Variants in FBRSL1 observed in about 807,000 individuals in gnomAD.
FBRSL1 encodes the protein fibrosin-1-like protein.
In FBRSL1, 51 loss-of-function variants were observed where a neutral mutation model predicts 89.6. That is an observed-to-expected ratio of 0.57 (90% CI 0.45 to 0.72). The LOEUF is 0.72. Ranked by LOEUF, FBRSL1 falls within the 30% of genes least tolerant of loss-of-function variation. The probability of loss-of-function intolerance (pLI) is 0.00; values close to 1 mark genes in which losing one functional copy is unlikely to be tolerated. For missense variants in FBRSL1, 1,618 were observed against 1,451.8 expected (o/e 1.11, Z -1.86); for synonymous variants, 779 against 681.1 (o/e 1.14, Z -2.24).
At chr12:132,522,830 C>A (rs2035473448) in intron 2 of FBRSL1, among the ~76,000 whole-genome samples, 1 of 152,192 alleles carries the variant, frequency 6.6e-6, no homozygotes, top group African/African-American at 2.4e-5. Context: ...GTGTCCGGGG[C>A]CCTCCCCGGC....
intron 2 of FBRSL1, among the ~76,000 whole-genome samples, chr12:132,520,796 G>T (rs2035286881): frequency 6.6e-6 from 1 of 152,230 alleles, no homozygotes; most frequent in Admixed American, 6.5e-5. Flanking sequence ...CACTGTGAGG[G>T]CTCTGGGACT....
At chr12:132,579,044 T>C (rs1593596815) in intron 15 of FBRSL1, among the ~76,000 whole-genome samples, 1 of 128,900 alleles carries the variant, frequency 7.8e-6, no homozygotes, top group Admixed American at 7.9e-5. Flanking sequence ...ACCCTGCTCC[T>C]CCCCCGCCTC....
chr12:132,572,047 G>C (rs1258500206), intron 9 of FBRSL1: 1 of 566,062 alleles, frequency 1.8e-6, no homozygotes, highest in East Asian at 2.9e-5. Context: ...TGCCTGGGGG[G>C]GCCGAGTTCC....
At chr12:132,508,422 C>T (rs2033944594) in intron 2 of FBRSL1, 72 bp downstream of exon 2, 3 of 1,360,984 alleles carry the variant, frequency 2.2e-6, no homozygotes, top group South Asian at 1.5e-5. Context: ...CATGCCAGCA[C>T]CTGGACACCA....
chr12:132,521,777 C>G (rs911176715), intron 2 of FBRSL1, among the ~76,000 whole-genome samples: 103 of 152,338 alleles, frequency 6.8e-4, no homozygotes, highest in African/African-American at 2.4e-3. Context: ...GTAGTGCGTG[C>G]ATTTGCCCTG....
At chr12:132,581,714 C>T (rs756720270) in intron 16 of FBRSL1, 27 bp from the exon 17 acceptor site, 18 of 1,549,020 alleles carry the variant, frequency 1.2e-5, no homozygotes, top group Middle Eastern at 1.7e-4. Context: ...CCTCACAGAC[C>T]TCTGGGTCCC....
At chr12:132,521,649 G>T (rs989328767) in intron 2 of FBRSL1, among the ~76,000 whole-genome samples, 4 of 152,208 alleles carry the variant, frequency 2.6e-5, no homozygotes, top group Non-Finnish European at 5.9e-5. Flanking sequence ...ATGGGATGGG[G>T]TGTGAGAGTC....
chr12:132,537,248 G>A (rs531289942), intron 4 of FBRSL1, among the ~76,000 whole-genome samples: 1 of 152,326 alleles, frequency 6.6e-6, no homozygotes, highest in Admixed American at 6.5e-5. Context: ...GGAAGAGGTG[G>A]CACTCGGGTG....
intron 1 of FBRSL1, among the ~76,000 whole-genome samples, chr12:132,505,409 C>T (rs1278221633): frequency 6.6e-6 from 1 of 152,176 alleles, no homozygotes; most frequent in Non-Finnish European, 1.5e-5. Context: ...CCAGGGCACG[C>T]ACTGTCCCTC....
At chr12:132,515,965 A>G (rs2034806669) in intron 2 of FBRSL1, among the ~76,000 whole-genome samples, 1 of 152,040 alleles carries the variant, frequency 6.6e-6, no homozygotes, top group East Asian at 1.9e-4. Context: ...GAACAATGCC[A>G]AAAGGTGTTT....
chr12:132,579,193 G>T (rs1310305431), intron 15 of FBRSL1, among the ~76,000 whole-genome samples: 1 of 152,210 alleles, frequency 6.6e-6, no homozygotes, highest in East Asian at 1.9e-4. Flanking sequence ...CTGGCAGGGG[G>T]CAGGATGATT....
chr12:132,528,034 T>G, intron 4 of FBRSL1, 46 bp downstream of exon 4: 1 of 1,518,794 alleles, frequency 6.6e-7, no homozygotes, highest in Non-Finnish European at 8.9e-7. Context: ...CCCTGGGGCC[T>G]TAGGACCAGG....
intron 4 of FBRSL1, among the ~76,000 whole-genome samples, chr12:132,545,294 G>A (rs533190082): frequency 1.3e-5 from 2 of 152,334 alleles, no homozygotes; most frequent in South Asian, 2.1e-4. Flanking sequence ...GTGAATGGTC[G>A]CCTCACTCGG....
chr12:132,508,183 AAGG>A lies in FBRSL1; in HGVS notation c.325_327del (p.Glu109del), dbSNP rs1387012409. 8 of 1,551,186 alleles carry A rather than the reference AAGG, an allele frequency of 5.2e-6. No homozygotes were observed. In the South Asian group the frequency reaches 9.5e-5, roughly 18 times the overall value. The stretch of plus-strand genomic sequence containing the variant: ...TATGGCCCTGAAGCCACATGAGCGG[AAGG>A]AGAAGTGGGAGCGTCGTCTCATCAA... On this transcript the variant is annotated inframe_deletion, in exon 2 of 19. Transcript: ENST00000680143.
In FBRSL1 at chr12:132,508,052, G is replaced by T. The variant is rs2033896990; in HGVS notation, c.292-101G>T. 4 of 1,204,398 alleles carry T rather than the reference G, an allele frequency of 3.3e-6. No homozygotes were observed. The Admixed American group carries it at 8.4e-5, about 25-fold the overall frequency. The allele number at this position is 1,204,398 out of a possible 1,614,324, so 74.6% of individuals were successfully genotyped here. On this transcript the variant is annotated intron_variant, in intron 1 of 18. Coordinates refer to ENST00000680143, the MANE Select transcript of FBRSL1 (RefSeq NM_001367871.1). ...TTTCCCTCTGAGGTGCCCCTCCCAA[G>T]TGGGGAGGCTCCTTCCCAAGAGCTG...
At chr12:132,571,689 C>T (rs1248261315) in intron 9 of FBRSL1, among the ~76,000 whole-genome samples, 1 of 152,096 alleles carries the variant, frequency 6.6e-6, no homozygotes, top group Non-Finnish European at 1.5e-5. Flanking sequence ...CTTCTGGTGT[C>T]CCCACCCCAA....
At chr12:132,570,577 G>GT (rs2039941003) in intron 8 of FBRSL1, 37 bp downstream of exon 8, 1 of 1,446,910 alleles carries the variant, frequency 6.9e-7, no homozygotes, top group African/African-American at 1.5e-5. Flanking sequence ...CAGGGCAGGG[G>GT]TTGGGGGGTG....
intron 5 of FBRSL1, among the ~76,000 whole-genome samples, chr12:132,556,850 T>C (rs1398742508): frequency 2.4e-5 from 3 of 124,650 alleles, no homozygotes; most frequent in African/African-American, 9.4e-5. Flanking sequence ...TTCAGGCCCT[T>C]GTGCTGCCCC....
At chr12:132,574,458 C>CT (rs1215082670) in intron 13 of FBRSL1, 35 bp from the exon 14 acceptor site, 5 of 1,548,634 alleles carry the variant, frequency 3.2e-6, no homozygotes, top group Non-Finnish European at 4.4e-6. Flanking sequence ...GTGGGGGTGG[C>CT]ACCAGCCCCA....
Sources: gnomAD v4.1 joint callset for allele counts (sites outside exome capture counted in the v4.1 genomes callset) on GRCh38, gnomAD v4.1.1 for gene constraint, MANE v1.5 for transcripts, NCBI Gene and HGNC (gene_info 2026-07-23, HGNC 2026-07-21) for gene names.